The following ATG7 variants were observed in gnomAD, a reference collection of about 807,000 sequenced individuals.
The protein encoded by ATG7 is ubiquitin-like modifier-activating enzyme ATG7.
Under a neutral mutation model 82.4 loss-of-function variants are expected in ATG7, and 70 were observed. The ratio of observed to expected loss-of-function variants is 0.85; its 90% CI spans 0.70 to 1.04. ATG7 has a LOEUF of 1.04. Ranked by LOEUF, ATG7 falls within the 50% of genes least tolerant of loss-of-function variation. The probability of loss-of-function intolerance (pLI) is 0.00; values close to 1 mark genes in which losing one functional copy is unlikely to be tolerated. For synonymous variants in ATG7, 287 were observed against 313.0 expected, an observed-to-expected ratio of 0.92 and a Z score of 0.88; for missense variants, 792 against 864.3, an observed-to-expected ratio of 0.92 and a Z score of 1.05.
At chr3:11,399,651 T>C (rs997010377) in intron 19 of ATG7, among the ~76,000 whole-genome samples, 1 of 151,720 alleles carries the variant, frequency 6.6e-6, no homozygotes, top group Non-Finnish European at 1.5e-5. Flanking sequence ...CTCGGCTCAC[T>C]GCAACCTCCA....
At chr3:11,400,806 A>G (rs2079765156) in intron 19 of ATG7, among the ~76,000 whole-genome samples, 2 of 151,776 alleles carry the variant, frequency 1.3e-5, no homozygotes, top group African/African-American at 4.8e-5. Context: ...ATTAAAAGAA[A>G]CTCAACCAAA....
chr3:11,335,055 T>G (rs1952224619), intron 11 of ATG7, among the ~76,000 whole-genome samples: 1 of 152,012 alleles, frequency 6.6e-6, no homozygotes, highest in South Asian at 2.1e-4. Flanking sequence ...TTTCAGCGAT[T>G]CTATGCTCTA....
chr3:11,339,227 T>C (rs1254597771), intron 11 of ATG7, among the ~76,000 whole-genome samples: 1 of 136,610 alleles, frequency 7.3e-6, no homozygotes, highest in African/African-American at 2.8e-5. Flanking sequence ...ACCCAGGAGG[T>C]GGAGCTTGCA....
chr3:11,388,904 C>A (rs774080945), intron 19 of ATG7, among the ~76,000 whole-genome samples: 3 of 152,062 alleles, frequency 2.0e-5, no homozygotes, highest in Non-Finnish European at 4.4e-5. Context: ...TATGGTCTTA[C>A]ACACACAGGC....
intron 20 of ATG7, among the ~76,000 whole-genome samples, chr3:11,523,264 G>A (rs1216194215): frequency 1.3e-5 from 2 of 152,160 alleles, no homozygotes; most frequent in Non-Finnish European, 2.9e-5. Flanking sequence ...GGCAGCGGGG[G>A]AGTGCAGGGG....
chr3:11,440,341 T>TG (rs1306774452), intron 20 of ATG7, among the ~76,000 whole-genome samples: 1 of 147,614 alleles, frequency 6.8e-6, no homozygotes, highest in African/African-American at 2.5e-5. Flanking sequence ...TTTTTTTTTT[T>TG]TGAGACGGAG....
chr3:11,496,573 A>G (rs1436516192), intron 20 of ATG7, among the ~76,000 whole-genome samples: 1 of 152,200 alleles, frequency 6.6e-6, no homozygotes, highest in African/African-American at 2.4e-5. Flanking sequence ...CAAAGAGATT[A>G]CAATAGCCAA....
intron 20 of ATG7, among the ~76,000 whole-genome samples, chr3:11,467,160 CT>C (rs2086918764): frequency 6.6e-6 from 1 of 151,844 alleles, no homozygotes; most frequent in African/African-American, 2.4e-5. Flanking sequence ...AAACTGATGG[CT>C]TCTTAACCCT....
chr3:11,293,394 G>A (rs993978715), intron 3 of ATG7, among the ~76,000 whole-genome samples: 2 of 151,970 alleles, frequency 1.3e-5, no homozygotes, highest in Admixed American at 6.6e-5. Context: ...AGCCGGGTGC[G>A]GTGGTGCATG....
intron 20 of ATG7, among the ~76,000 whole-genome samples, chr3:11,546,821 C>CGGCCAGT (rs1431355085): frequency 6.6e-6 from 1 of 152,206 alleles, no homozygotes; most frequent in Non-Finnish European, 1.5e-5. Context: ...TGCAGGGCAG[C>CGGCCAGT]GGCCAGTGGG....
At chr3:11,511,427 C>T (rs2092048836) in intron 20 of ATG7, among the ~76,000 whole-genome samples, 1 of 152,226 alleles carries the variant, frequency 6.6e-6, no homozygotes, top group Non-Finnish European at 1.5e-5. Context: ...GGTGCATTCA[C>T]AAACCTTGAG....
intron 20 of ATG7, among the ~76,000 whole-genome samples, chr3:11,476,671 T>C (rs2088276374): frequency 6.6e-6 from 1 of 152,198 alleles, no homozygotes; most frequent in African/African-American, 2.4e-5. Context: ...TCTATTCCCA[T>C]TTATTTTATT....
At chr3:11,551,234 T>A (rs2071747523) in intron 20 of ATG7, among the ~76,000 whole-genome samples, 1 of 152,232 alleles carries the variant, frequency 6.6e-6, no homozygotes, top group Non-Finnish European at 1.5e-5. Flanking sequence ...GGCGTCTCCC[T>A]CGGCCCATGG....
At chr3:11,477,045 G>A (rs2088333576) in intron 20 of ATG7, 1 of 1,213,990 alleles carries the variant, frequency 8.2e-7, no homozygotes, top group Non-Finnish European at 1.1e-6. Context: ...TATGCACAAT[G>A]GGCACTTGAT....
chr3:11,364,842 C>A, intron 18 of ATG7, 108 bp downstream of exon 18: 2 of 1,168,906 alleles, frequency 1.7e-6, no homozygotes, highest in Non-Finnish European at 2.5e-6. Context: ...ACCCTACTTA[C>A]CCTGCAGCTG....
chr3:11,567,239 G>T, the ATG7 span, among the ~76,000 whole-genome samples: 1 of 152,116 alleles, frequency 6.6e-6, no homozygotes, highest in Non-Finnish European at 1.5e-5. Context: ...TCTAAATGGG[G>T]GACAAACAGC....
intron 20 of ATG7, among the ~76,000 whole-genome samples, chr3:11,458,250 G>A (rs1455914659): frequency 6.6e-6 from 1 of 151,952 alleles, no homozygotes; most frequent in African/African-American, 2.4e-5. Context: ...AGGCTTAGAA[G>A]TCAGACTTGG....
intron 9 of ATG7, among the ~76,000 whole-genome samples, chr3:11,316,234 C>T (rs1480888688): frequency 6.6e-6 from 1 of 152,078 alleles, no homozygotes; most frequent in Non-Finnish European, 1.5e-5. Flanking sequence ...ATTCATTGAC[C>T]AAGAGCATAA....
chr3:11,417,351 C>T (rs567350403), intron 19 of ATG7, among the ~76,000 whole-genome samples: 98 of 152,150 alleles, frequency 6.4e-4, no homozygotes, highest in Non-Finnish European at 1.1e-3. Flanking sequence ...TATTTTGATG[C>T]ACTGTTGTTA....
Sources: gnomAD v4.1 joint callset for allele counts (sites outside exome capture counted in the v4.1 genomes callset) on GRCh38, gnomAD v4.1.1 for gene constraint, MANE v1.5 for transcripts, NCBI Gene and HGNC (gene_info 2026-07-23, HGNC 2026-07-21) for gene names.